The following PCYT1B variants were observed in gnomAD, a reference collection of about 807,000 sequenced individuals.
The protein encoded by PCYT1B is choline-phosphate cytidylyltransferase B.
Under a neutral mutation model 26.4 loss-of-function variants are expected in PCYT1B, and 10 were observed. The observed-to-expected ratio is 0.38, with a 90% CI of 0.23 to 0.64. The LOEUF (loss-of-function observed/expected upper bound fraction) is 0.64, where lower values mean the gene tolerates loss of function less well. Among genes scored for constraint, PCYT1B ranks in the 30% least tolerant of loss-of-function variants. The pLI is 0.56. For synonymous variants in PCYT1B, 131 were observed against 108.4 expected, an observed-to-expected ratio of 1.21 and a Z score of -1.29; for missense variants, 161 against 292.7, an observed-to-expected ratio of 0.55 and a Z score of 3.28.
intron 2 of PCYT1B, among the ~76,000 whole-genome samples, chrX:24,614,543 A>C (rs1166742906): frequency 8.9e-6 from 1 of 111,972 alleles, no homozygotes; most frequent in South Asian, 3.7e-4. Flanking sequence ...AAAATACAAA[A>C]GAAAAACAAA....
At position 24,621,872 on chromosome X, in the gene PCYT1B, A is replaced by G. The variant is rs936562151; in HGVS notation, c.118-2788T>C. 5 of 718,567 alleles carry G rather than the reference A, an allele frequency of 7.0e-6. No homozygotes were observed. The South Asian group carries it at 2.2e-4, about 31-fold the overall frequency. 59.2% of individuals were successfully genotyped at this position (718,567 alleles called of 1,213,427 possible). Reference sequence around the variant, plus strand: ...ATTTTCCAAGAATGGTGTGTTCTTGATGGTGTGAAATCTGGTAATTAAAAC... The same window carrying G: ...ATTTTCCAAGAATGGTGTGTTCTTGGTGGTGTGAAATCTGGTAATTAAAAC... On this transcript the variant is annotated intron_variant, in intron 1 of 7. Coordinates refer to ENST00000379144, the MANE Select transcript of PCYT1B (RefSeq NM_004845.5).
Position 24,629,590 on chromosome X carries a change from AC to A in PCYT1B, c.118-10507del, listed in dbSNP as rs1259656577. Among the ~76,000 whole-genome samples the A allele has an allele frequency of 1.4e-3, 133 of 96,638 alleles. 2 individuals carry two copies. Among genetic ancestry groups the A allele is most frequent in the Middle Eastern group, 5.1e-3 (1 of 198 alleles). The allele number at this position is 96,638 out of a possible 115,157, so 83.9% of individuals were successfully genotyped here. A position where few individuals can be genotyped will look rare whatever the true frequency, so the allele number is the denominator to read the frequency against. On this transcript the variant is annotated intron_variant, in intron 1 of 7. Transcript: ENST00000379144. ...AAAAAAAAAAAAAAAAAAAAAAAAA[AC>A]AACACGTATTTTCCAACTTTATTTA...
intron 5 of PCYT1B, among the ~76,000 whole-genome samples, chrX:24,585,221 A>G (rs1924331401): frequency 9.0e-6 from 1 of 111,289 alleles, no homozygotes; most frequent in African/African-American, 3.3e-5. Context: ...CAGGGGCAGG[A>G]AAGAGACCCC....
intron 3 of PCYT1B, among the ~76,000 whole-genome samples, chrX:24,605,473 T>C (rs958978538): frequency 8.9e-6 from 1 of 111,997 alleles, no homozygotes; most frequent in Non-Finnish European, 1.9e-5. Flanking sequence ...TATTTCTTCA[T>C]AGTACCACTA....
At chrX:24,610,930 T>C (rs1182323308) in intron 2 of PCYT1B, among the ~76,000 whole-genome samples, 2 of 112,144 alleles carry the variant, frequency 1.8e-5, no homozygotes, top group African/African-American at 6.5e-5. Context: ...CTGTAAAGTA[T>C]GGACATTATT....
chrX:24,623,477 G>A (rs1420355831), intron 1 of PCYT1B, among the ~76,000 whole-genome samples: 2 of 106,989 alleles, frequency 1.9e-5, no homozygotes, highest in African/African-American at 3.4e-5. Flanking sequence ...AGAAGCCCTG[G>A]CCCAGTGCCC....
intron 2 of PCYT1B, among the ~76,000 whole-genome samples, chrX:24,617,772 A>G (rs954327863): frequency 3.6e-5 from 4 of 111,499 alleles, no homozygotes; most frequent in African/African-American, 1.3e-4. Flanking sequence ...TAAATGGCTT[A>G]AAGTTTACCT....
At chrX:24,613,322 T>C (rs1357029615) in intron 2 of PCYT1B, among the ~76,000 whole-genome samples, 1 of 112,386 alleles carries the variant, frequency 8.9e-6, no homozygotes, top group Non-Finnish European at 1.9e-5. Context: ...TATAGTTACA[T>C]ATTTATTTTA....
chrX:24,605,274 G>T (rs1925088237), intron 3 of PCYT1B, among the ~76,000 whole-genome samples: 1 of 111,316 alleles, frequency 9.0e-6, no homozygotes, highest in South Asian at 3.8e-4. Flanking sequence ...TGTCTTCTCT[G>T]CTTGCCTCAC....
intron 2 of PCYT1B, among the ~76,000 whole-genome samples, chrX:24,615,318 A>G (rs1925450854): frequency 9.0e-6 from 1 of 111,293 alleles, no homozygotes; most frequent in African/African-American, 3.3e-5. Flanking sequence ...TTCAAAATAC[A>G]CCACCATCTT....
exon 1 of PCYT1B, chrX:24,672,595 T>C: frequency 8.3e-7 from 1 of 1,208,212 alleles, no homozygotes; most frequent in Admixed American, 2.2e-5. Flanking sequence ...GGGAGCGCGA[T>C]TGTCCTCTTC....
rs72623013 is a variant in PCYT1B, at chrX:24,568,607, C to T, written c.898-6102G>A. Among the ~76,000 whole-genome samples, 44 of 111,202 alleles carry T rather than the reference C, an allele frequency of 4.0e-4. No homozygotes were observed. In the East Asian group the frequency reaches 0.011, roughly 29 times the overall value. On this transcript the variant is annotated intron_variant, in intron 7 of 7. Transcript: ENST00000379144. ...AACCAATGTAATCCTCGCAACAGCC[C>T]TATGTGGCAGCTATGCTTACTTTCC...
chrX:24,672,545 A>G (rs748316669), intron 1 of PCYT1B: 15 of 1,171,630 alleles, frequency 1.3e-5, no homozygotes, highest in Non-Finnish European at 1.6e-5. Context: ...TAAGGCAAAA[A>G]TCAATAAGAA....
chrX:24,623,902 A>T (rs1030940049), intron 1 of PCYT1B, among the ~76,000 whole-genome samples: 4 of 109,847 alleles, frequency 3.6e-5, no homozygotes, highest in African/African-American at 1.3e-4. Flanking sequence ...ACCAATCAGA[A>T]CTTAGCACAG....
At chrX:24,589,042 A>C (rs148897781) in intron 4 of PCYT1B, among the ~76,000 whole-genome samples, 4,478 of 111,134 alleles carry the variant, frequency 0.04, 106 homozygotes, top group Non-Finnish European at 0.065. Flanking sequence ...AGTGCCGGGC[A>C]CATGGTAAAT....
intron 3 of PCYT1B, among the ~76,000 whole-genome samples, chrX:24,593,795 G>C (rs978005603): frequency 5.4e-5 from 6 of 110,847 alleles, no homozygotes; most frequent in African/African-American, 1.6e-4. Context: ...CCAAAGTGCT[G>C]GGATTATAGG....
intron 2 of PCYT1B, among the ~76,000 whole-genome samples, chrX:24,614,924 T>C (rs1252748462): frequency 1.8e-5 from 2 of 111,985 alleles, no homozygotes; most frequent in Non-Finnish European, 3.8e-5. Context: ...GTTCTCAAAG[T>C]GTGGTCCCAG....
At chrX:24,590,951 C>T (rs1209361006) in intron 3 of PCYT1B, among the ~76,000 whole-genome samples, 1 of 109,661 alleles carries the variant, frequency 9.1e-6, no homozygotes, top group Non-Finnish European at 1.9e-5. Context: ...CTGCCACCAC[C>T]CAGGCTAATT....
Position 24,562,288 on chromosome X carries a change from A to C in PCYT1B, c.*5T>G. 1 of 1,153,706 alleles carries C rather than the reference A, an allele frequency of 8.7e-7. No individual in the cohort carries two copies. Among genetic ancestry groups the C allele is most frequent in the Non-Finnish European group, 1.2e-6 (1 of 866,281 alleles). Reference sequence around the variant, plus strand: ...CATGGTGCGGCTCTTGCCTCCCAGCAGCCTCTACTTTTCATCCTCATCCCC... The same window carrying C: ...CATGGTGCGGCTCTTGCCTCCCAGCCGCCTCTACTTTTCATCCTCATCCCC... On this transcript the variant is annotated 3_prime_UTR_variant, in exon 8 of 8. Transcript: ENST00000379144.
Sources: gnomAD v4.1 joint callset for allele counts (sites outside exome capture counted in the v4.1 genomes callset) on GRCh38, gnomAD v4.1.1 for gene constraint, MANE v1.5 for transcripts, NCBI Gene and HGNC (gene_info 2026-07-23, HGNC 2026-07-21) for gene names.